The following SPTLC3 variants were observed in gnomAD, a reference collection of about 807,000 sequenced individuals.
The protein encoded by SPTLC3 is serine palmitoyltransferase long chain base subunit 3.
A neutral mutation model predicts 59.3 loss-of-function variants in SPTLC3; 36 were observed. That is an observed-to-expected ratio of 0.61 (90% CI 0.47 to 0.80). The LOEUF (loss-of-function observed/expected upper bound fraction) is 0.80, where lower values mean the gene tolerates loss of function less well. Among genes scored for constraint, SPTLC3 ranks in the 30% least tolerant of loss-of-function variants. The probability of loss-of-function intolerance (pLI) is 0.00; values close to 1 mark genes in which losing one functional copy is unlikely to be tolerated. For missense variants in SPTLC3, 625 were observed against 685.1 expected (o/e 0.91, Z 0.98); for synonymous variants, 257 against 240.8 (o/e 1.07, Z -0.62).
chr20:13,106,376 C>A (rs1568604118), intron 6 of SPTLC3, among the ~76,000 whole-genome samples: 1 of 152,056 alleles, frequency 6.6e-6, no homozygotes, highest in Non-Finnish European at 1.5e-5. Context: ...ACGAACATCG[C>A]GATGAGTGCT....
At chr20:13,105,511 A>C (rs1041642653) in intron 6 of SPTLC3, among the ~76,000 whole-genome samples, 6 of 152,162 alleles carry the variant, frequency 3.9e-5, no homozygotes, top group African/African-American at 1.4e-4. Context: ...AAAATGGAGA[A>C]AAGCTTCTCT....
intron 6 of SPTLC3, among the ~76,000 whole-genome samples, chr20:13,106,306 G>C (rs1163017343): frequency 1.3e-5 from 2 of 152,140 alleles, no homozygotes; most frequent in African/African-American, 4.8e-5. Flanking sequence ...ACTAAGACTA[G>C]GGCGAGAAGG....
chr20:13,034,381 T>C (rs1465704383), intron 1 of SPTLC3, among the ~76,000 whole-genome samples: 1 of 152,174 alleles, frequency 6.6e-6, no homozygotes, highest in Non-Finnish European at 1.5e-5. Context: ...CACTGACTGC[T>C]ACATCCTAGC....
rs557613218 is a variant in SPTLC3 at position 13,060,421 on chromosome 20, G to A, written c.303+11291G>A. ...ATTTATTTATTTATTTATTTATCTG[G>A]GGGATTGTCCTACTTTATTTATTTT... On this transcript the variant is annotated intron_variant, in intron 2 of 11. Transcript: ENST00000399002. Among the ~76,000 whole-genome samples the A allele has an allele frequency of 1.1e-4, 15 of 138,340 alleles. No individual in the cohort carries two copies. The East Asian group carries it at 3.2e-3, about 30-fold the overall frequency. 90.8% of individuals were successfully genotyped at this position (138,340 alleles called of 152,430 possible).
intron 2 of SPTLC3, among the ~76,000 whole-genome samples, chr20:13,062,213 T>A (rs1988004127): frequency 6.6e-6 from 1 of 151,858 alleles, no homozygotes; most frequent in African/African-American, 2.4e-5. Context: ...CAATCCCCCA[T>A]CTCCCCCACC....
intron 1 of SPTLC3, among the ~76,000 whole-genome samples, chr20:13,025,171 G>A (rs1017135992): frequency 7.9e-5 from 12 of 152,266 alleles, no homozygotes; most frequent in African/African-American, 2.6e-4. Flanking sequence ...TACCATACAT[G>A]AGGACACTAC....
Position 13,142,845 on chromosome 20 carries a change from C to A in SPTLC3, c.1280-11158C>A, listed in dbSNP as rs2038417869. On this transcript the variant is annotated intron_variant, in intron 9 of 11. Transcript: ENST00000399002. ...CAGCTTCTGGTGGCTGTTTCCGTCTCATGAGGGCCCCTCCATCTTCAAAGC... is the reference window on the plus strand; with the variant it reads ...CAGCTTCTGGTGGCTGTTTCCGTCTAATGAGGGCCCCTCCATCTTCAAAGC... 2.6e-5 allele frequency among the ~76,000 whole-genome samples: 4 copies of A among 152,192 alleles called. No homozygotes were observed. The South Asian group carries it at 8.3e-4, about 32-fold the overall frequency.
chr20:13,142,672 T>C (rs767758183), intron 9 of SPTLC3, among the ~76,000 whole-genome samples: 16 of 152,220 alleles, frequency 1.1e-4, no homozygotes, highest in Admixed American at 2.6e-4. Flanking sequence ...CAGGTTCTCA[T>C]AATGCTGAAA....
chr20:13,143,878 C>T (rs909286744), intron 9 of SPTLC3, among the ~76,000 whole-genome samples: 14 of 152,292 alleles, frequency 9.2e-5, no homozygotes, highest in African/African-American at 3.4e-4. Flanking sequence ...CGACACAGCT[C>T]CTCGCCCATT....
chr20:13,126,387 C>T (rs2037990636), intron 8 of SPTLC3, among the ~76,000 whole-genome samples: 1 of 152,064 alleles, frequency 6.6e-6, no homozygotes, highest in African/African-American at 2.4e-5. Context: ...GCTGTAGATT[C>T]TAGGTTTTTG....
intron 2 of SPTLC3, among the ~76,000 whole-genome samples, chr20:13,067,893 G>C (rs1330373336): frequency 6.6e-6 from 1 of 152,198 alleles, no homozygotes; most frequent in Non-Finnish European, 1.5e-5. Context: ...CATTGTGTTT[G>C]ATAAAGATTC....
At chr20:13,077,882 A>G (rs1415349753) in intron 4 of SPTLC3, among the ~76,000 whole-genome samples, 1 of 151,582 alleles carries the variant, frequency 6.6e-6, no homozygotes, top group Non-Finnish European at 1.5e-5. Context: ...CTTGGCCTCT[A>G]GTGATCCTCC....
intron 6 of SPTLC3, 120 bp downstream of exon 6, chr20:13,093,697 T>C (rs1379412539): frequency 3.6e-6 from 3 of 827,816 alleles, no homozygotes; most frequent in Non-Finnish European, 5.6e-6. Flanking sequence ...AACACAATTA[T>C]GTTTATATTC....
At chr20:13,035,906 T>A (rs1386582421) in intron 1 of SPTLC3, among the ~76,000 whole-genome samples, 1 of 152,194 alleles carries the variant, frequency 6.6e-6, no homozygotes, top group Non-Finnish European at 1.5e-5. Context: ...GCAAATTAAG[T>A]TGTATTATAT....
chr20:13,059,229 C>A (rs1290531920), intron 2 of SPTLC3, among the ~76,000 whole-genome samples: 1 of 148,258 alleles, frequency 6.7e-6, no homozygotes, highest in Non-Finnish European at 1.5e-5. Flanking sequence ...CTAAAATTAT[C>A]CTAGCCTGTG....
chr20:13,109,290 G>C (rs929377875), intron 6 of SPTLC3, among the ~76,000 whole-genome samples: 1 of 152,208 alleles, frequency 6.6e-6, no homozygotes, highest in African/African-American at 2.4e-5. Flanking sequence ...CATTTGAGAA[G>C]AAGGGACAAT....
At chr20:13,135,887 T>G (rs751402151) in intron 9 of SPTLC3, among the ~76,000 whole-genome samples, 25 of 152,220 alleles carry the variant, frequency 1.6e-4, no homozygotes, top group Non-Finnish European at 2.5e-4. Flanking sequence ...ATCACCAACT[T>G]TCTGAATCAC....
At chr20:13,143,783 A>C in intron 9 of SPTLC3, among the ~76,000 whole-genome samples, 1 of 152,228 alleles carries the variant, frequency 6.6e-6, no homozygotes, top group East Asian at 1.9e-4. Context: ...AGCCCTTTCA[A>C]GGAACCACAT....
chr20:13,123,998 A>G (rs1410639908), intron 8 of SPTLC3, among the ~76,000 whole-genome samples: 1 of 152,184 alleles, frequency 6.6e-6, no homozygotes, highest in African/African-American at 2.4e-5. Context: ...CTGGCAAATG[A>G]CTGCTGCTGT....
Sources: allele counts gnomAD v4.1 joint callset (sites outside exome capture counted in the v4.1 genomes callset), GRCh38; gene constraint gnomAD v4.1.1; transcripts MANE v1.5; gene names NCBI Gene and HGNC (gene_info 2026-07-23, HGNC 2026-07-21).